Variants in OSBPL3 observed in about 807,000 individuals in gnomAD.
OSBPL3 encodes oxysterol binding protein like 3, also known as oxysterol-binding protein-related protein 3.
OSBPL3 carries 65 observed loss-of-function variants against 120.1 expected under a neutral mutation model. The ratio of observed to expected loss-of-function variants is 0.54; its 90% CI spans 0.44 to 0.67. The LOEUF (loss-of-function observed/expected upper bound fraction) is 0.67. OSBPL3 is among the 30% of genes least tolerant of loss of function. The pLI is 0.00. For synonymous variants in OSBPL3, 416 were observed against 402.6 expected, an observed-to-expected ratio of 1.03 and a Z score of -0.40; for missense variants, 1,004 against 1,082.1, an observed-to-expected ratio of 0.93 and a Z score of 1.01.
At chr7:24,816,142 A>G (rs1470834671) in intron 18 of OSBPL3, among the ~76,000 whole-genome samples, 1 of 152,154 alleles carries the variant, frequency 6.6e-6, no homozygotes, top group Non-Finnish European at 1.5e-5. Flanking sequence ...CTCCCACCTC[A>G]GCCTCCTGAG....
rs980783140 is a variant in OSBPL3 at position 24,854,946 on chromosome 7, C to T, written c.1028-2312G>A. On this transcript the variant is annotated intron_variant, in intron 10 of 22. Transcript: ENST00000313367. This position sits in a 1 kb window ranked among gnomAD's most constrained non-coding sequence, Gnocchi z 4.1. ...CATAGTGATACCGATGAAGGAGACA[C>T]ATGAGGATGAAAGTGATGGTGACTG... 3.3e-5 allele frequency among the ~76,000 whole-genome samples: 5 copies of T among 152,172 alleles called. No homozygotes were observed. Among genetic ancestry groups the T allele is most frequent in the African/African-American group, 1.2e-4 (5 of 41,430 alleles).
In OSBPL3 at chr7:24,971,901, G is replaced by A. The variant is rs146223442; in HGVS notation, c.-150+7985C>T. On this transcript the variant is annotated intron_variant, in intron 1 of 22. Transcript: ENST00000313367. ...TTCCCTAATAGCTCCAACAAGCTCCGAAGGAAACCTCAGTTAATTCTATAT... is the reference window on the plus strand; with the variant it reads ...TTCCCTAATAGCTCCAACAAGCTCCAAAGGAAACCTCAGTTAATTCTATAT... 5.5e-4 allele frequency among the ~76,000 whole-genome samples: 83 copies of A among 152,230 alleles called. 1 individual carries two copies. The East Asian group carries it at 0.014, about 26-fold the overall frequency.
chr7:24,876,197 T>C lies in OSBPL3; in HGVS notation c.97-4128A>G, dbSNP rs367918577. ...CAATATAAAAATGAGGATGACAAAA[T>C]GGTTGTCTTTATTTCCACTTTGGCG... On this transcript the variant is annotated intron_variant, in intron 2 of 22. Coordinates refer to ENST00000313367, the MANE Select transcript of OSBPL3 (RefSeq NM_015550.4). Among the ~76,000 whole-genome samples, 10 of 152,230 alleles carry C rather than the reference T, an allele frequency of 6.6e-5. No individual in the cohort carries two copies. The East Asian group carries it at 1.5e-3, about 23-fold the overall frequency.
chr7:24,926,714 C>T (rs79375325), intron 1 of OSBPL3, among the ~76,000 whole-genome samples: 1 of 152,212 alleles, frequency 6.6e-6, no homozygotes, highest in African/African-American at 2.4e-5. Context: ...ATGCACCAGG[C>T]TGCCCTTGCA....
chr7:24,822,182 TA>T lies in OSBPL3; in HGVS notation c.1885-1945del, dbSNP rs1371332914. On this transcript the variant is annotated intron_variant, in intron 16 of 22. Transcript: ENST00000313367. The surrounding 1 kb of genome is among the most constrained non-coding windows in gnomAD (Gnocchi z 5.8). ...AGCCACCATATCCAGTTATCTTTTT[TA>T]AAAAAATCCTACCACTTGGAGATAC... Among the ~76,000 whole-genome samples, 2 of 152,176 alleles carry T rather than the reference TA, an allele frequency of 1.3e-5. No individual in the cohort carries two copies. Among genetic ancestry groups the T allele is most frequent in the African/African-American group, 4.8e-5 (2 of 41,446 alleles).
rs113612398 is a variant in OSBPL3 at position 24,916,918 on chromosome 7, A to ACCCC, written c.-149-24301_-149-24298dup. The stretch of plus-strand genomic sequence containing the variant: ...AGCCACTAAGACGTCTTCCATTTCC[A>ACCCC]CCCCCCCCAACCTTTTTAGAAAATT... On this transcript the variant is annotated intron_variant, in intron 1 of 22. Transcript: ENST00000313367. The surrounding 1 kb of genome is among the most constrained non-coding windows in gnomAD (Gnocchi z 4.9). 8.9e-3 allele frequency among the ~76,000 whole-genome samples: 1,291 copies of ACCCC among 145,564 alleles called. 15 individuals are homozygous for ACCCC. Among genetic ancestry groups the ACCCC allele is most frequent in the African/African-American group, 0.016 (643 of 39,936 alleles).
chr7:24,956,811 T>C (rs1272630996), intron 1 of OSBPL3, among the ~76,000 whole-genome samples: 1 of 152,236 alleles, frequency 6.6e-6, no homozygotes, highest in East Asian at 1.9e-4. Flanking sequence ...CTTTTTTAAC[T>C]CTTTCACCCT....
At position 24,922,845 on chromosome 7, in the gene OSBPL3, G is replaced by A. The variant is rs951496917; in HGVS notation, c.-149-30224C>T. Among the ~76,000 whole-genome samples the A allele has an allele frequency of 2.0e-5, 3 of 152,132 alleles. No individual in the cohort carries two copies. The highest frequency in any genetic ancestry group is 2.1e-4 in the South Asian group (1 of 4,832). Reference sequence around the variant, plus strand: ...GAAAGTGACAGACCACCCTCTCAGGGAGAACCACAGGGCTAATTCTGATTC... The same window carrying A: ...GAAAGTGACAGACCACCCTCTCAGGAAGAACCACAGGGCTAATTCTGATTC... On this transcript the variant is annotated intron_variant, in intron 1 of 22. Coordinates refer to ENST00000313367, the MANE Select transcript of OSBPL3 (RefSeq NM_015550.4). The surrounding 1 kb of genome is among the most constrained non-coding windows in gnomAD (Gnocchi z 4.3).
intron 1 of OSBPL3, among the ~76,000 whole-genome samples, chr7:24,897,313 G>A (rs1584541598): frequency 6.7e-6 from 1 of 149,910 alleles, no homozygotes; most frequent in Non-Finnish European, 1.5e-5. Context: ...AATAAAGATG[G>A]CAGAATCTTT....
chr7:24,857,154 C>A (rs1295776749), intron 10 of OSBPL3, among the ~76,000 whole-genome samples: 1 of 152,128 alleles, frequency 6.6e-6, no homozygotes, highest in Non-Finnish European at 1.5e-5. Context: ...TCAATACTTA[C>A]TACTCAACAT....
At chr7:24,839,980 A>G (rs1797501192) in intron 14 of OSBPL3, among the ~76,000 whole-genome samples, 2 of 113,738 alleles carry the variant, frequency 1.8e-5, no homozygotes, top group African/African-American at 3.5e-5. Context: ...ACAGAAAGAG[A>G]CTCCATCTCA....
intron 1 of OSBPL3, among the ~76,000 whole-genome samples, chr7:24,920,262 A>G (rs552721457): frequency 6.6e-6 from 1 of 152,352 alleles, no homozygotes; most frequent in Admixed American, 6.5e-5. Flanking sequence ...AACTGAATAC[A>G]TAAATAAAAA....
Position 24,892,601 on chromosome 7 carries a change from G to T in OSBPL3, c.-129C>A. 2 of 1,400,924 alleles carry T rather than the reference G, an allele frequency of 1.4e-6. No individual in the cohort carries two copies. The highest frequency in any genetic ancestry group is 5.2e-5 in the Admixed American group (2 of 38,364). The allele number at this position is 1,400,924 out of a possible 1,614,324, so 86.8% of individuals were successfully genotyped here. A position where few individuals can be genotyped will look rare whatever the true frequency, so the allele number is the denominator to read the frequency against. On this transcript the variant is annotated 5_prime_UTR_variant, in exon 2 of 23. Transcript: ENST00000313367. ...AAGTATTTAAAAAACATTTTGGGTG[G>T]CCCAAAGGAAACCCTAAAACCTAAA...
Position 24,940,717 on chromosome 7 carries a change from G to A in OSBPL3, c.-150+39169C>T, listed in dbSNP as rs181741094. On this transcript the variant is annotated intron_variant, in intron 1 of 22. Coordinates refer to ENST00000313367, the MANE Select transcript of OSBPL3 (RefSeq NM_015550.4). The surrounding 1 kb of genome is among the most constrained non-coding windows in gnomAD (Gnocchi z 4.4). ...AAGTCCTCAATATAAGCACAGCAGAGGATAACAACAGGCCAGGAACTCTAA... is the reference window on the plus strand; with the variant it reads ...AAGTCCTCAATATAAGCACAGCAGAAGATAACAACAGGCCAGGAACTCTAA... Among the ~76,000 whole-genome samples, 184 of 152,152 alleles carry A rather than the reference G, an allele frequency of 1.2e-3. No individual in the cohort carries two copies. The highest frequency in any genetic ancestry group is 4.3e-3 in the African/African-American group (177 of 41,504).
intron 1 of OSBPL3, among the ~76,000 whole-genome samples, chr7:24,924,787 T>C (rs1810838769): frequency 6.6e-6 from 1 of 152,186 alleles, no homozygotes; most frequent in South Asian, 2.1e-4. Flanking sequence ...GGCTGTTAGA[T>C]GCCCAACAAG....
At chr7:24,924,674 G>A (rs1428077414) in intron 1 of OSBPL3, among the ~76,000 whole-genome samples, 1 of 152,208 alleles carries the variant, frequency 6.6e-6, no homozygotes, top group African/African-American at 2.4e-5. Context: ...TTCTGAGACA[G>A]CCAATTCCAT....
rs534945693 is a variant in OSBPL3, at chr7:24,803,623, T to G, written c.2567+692A>C. Among the ~76,000 whole-genome samples, 44 of 152,116 alleles carry G rather than the reference T, an allele frequency of 2.9e-4. No individual in the cohort carries two copies. The South Asian group carries it at 8.1e-3, about 28-fold the overall frequency. On this transcript the variant is annotated intron_variant, in intron 22 of 22. Transcript: ENST00000313367. This position sits in a 1 kb window ranked among gnomAD's most constrained non-coding sequence, Gnocchi z 4.2. ...CCGTCTCTACTAAAAATACAAAAAT[T>G]AGCCGGGCATGGTGGCACGCGCCTG... is the stretch of plus-strand genomic sequence containing the variant.
intron 1 of OSBPL3, among the ~76,000 whole-genome samples, chr7:24,910,703 G>C (rs903892939): frequency 6.6e-6 from 1 of 152,218 alleles, no homozygotes; most frequent in African/African-American, 2.4e-5. Flanking sequence ...CATCTGGTAG[G>C]TGCTATGGGC....
At position 24,946,465 on chromosome 7, in the gene OSBPL3, C is replaced by T. The variant is rs1384182920; in HGVS notation, c.-150+33421G>A. 6.6e-6 allele frequency among the ~76,000 whole-genome samples: 1 copy of T among 151,988 alleles called. No individual in the cohort carries two copies. The highest frequency in any genetic ancestry group is 1.5e-5 in the Non-Finnish European group (1 of 68,002). On this transcript the variant is annotated intron_variant, in intron 1 of 22. Transcript: ENST00000313367. This position sits in a 1 kb window ranked among gnomAD's most constrained non-coding sequence, Gnocchi z 4.3. ...CACAGTGCTTAAAGGGGTAAGTTTC[C>T]ATTAGTTAAAAAAATGTGTTTAGGT...
Sources: gnomAD v4.1 joint callset for allele counts (sites outside exome capture counted in the v4.1 genomes callset) on GRCh38, gnomAD v4.1.1 for gene constraint, Gnocchi (gnomAD v3.1) non-coding constraint, MANE v1.5 for transcripts, NCBI Gene and HGNC (gene_info 2026-07-23, HGNC 2026-07-21) for gene names.